ZNF804B: variants seen among roughly 807,000 people sequenced by gnomAD.
ZNF804B encodes zinc finger protein 804B.
Under a neutral mutation model 101.4 loss-of-function variants are expected in ZNF804B, and 80 were observed. The ratio of observed to expected loss-of-function variants is 0.79; its 90% CI spans 0.66 to 0.95. ZNF804B has a LOEUF of 0.95. ZNF804B is among the 40% of genes least tolerant of loss of function. The pLI is 0.00. For missense variants in ZNF804B, 1,673 were observed against 1,561.9 expected (o/e 1.07, Z -1.20); for synonymous variants, 622 against 558.8 (o/e 1.11, Z -1.59).
At chr7:88,956,639 C>T (rs934960940) in intron 1 of ZNF804B, among the ~76,000 whole-genome samples, 1 of 150,910 alleles carries the variant, frequency 6.6e-6, no homozygotes, top group African/African-American at 2.4e-5. Context: ...AAAAATTACC[C>T]TCAACTGGAC....
chr7:88,928,535 T>C (rs1166538358), intron 1 of ZNF804B, among the ~76,000 whole-genome samples: 1 of 152,116 alleles, frequency 6.6e-6, no homozygotes, highest in Non-Finnish European at 1.5e-5. Context: ...TGGCACACAT[T>C]TTTAGAATGT....
chr7:89,089,238 A>G (rs528364972), intron 1 of ZNF804B, among the ~76,000 whole-genome samples: 3 of 152,092 alleles, frequency 2.0e-5, no homozygotes, highest in Admixed American at 6.6e-5. Flanking sequence ...TTCTTGAACA[A>G]GGAATTCTTC....
chr7:88,993,129 CA>C (rs1562853728), intron 1 of ZNF804B, among the ~76,000 whole-genome samples: 1 of 151,620 alleles, frequency 6.6e-6, no homozygotes, highest in Non-Finnish European at 1.5e-5. Context: ...ATGCTTTATC[CA>C]TTATGAAATC....
At chr7:89,057,840 C>T (rs929431199) in intron 1 of ZNF804B, among the ~76,000 whole-genome samples, 1 of 152,064 alleles carries the variant, frequency 6.6e-6, no homozygotes, top group Admixed American at 6.6e-5. Flanking sequence ...GATTTCCTGT[C>T]TTTGAGGAGC....
At chr7:89,060,541 A>G (rs1473122242) in intron 1 of ZNF804B, among the ~76,000 whole-genome samples, 1 of 152,146 alleles carries the variant, frequency 6.6e-6, no homozygotes, top group African/African-American at 2.4e-5. Flanking sequence ...GCTAATCTAT[A>G]TGCCGTGGTT....
intron 2 of ZNF804B, among the ~76,000 whole-genome samples, chr7:89,283,987 CTATTT>C (rs1475928708): frequency 6.6e-6 from 1 of 152,086 alleles, no homozygotes; most frequent in Non-Finnish European, 1.5e-5. Context: ...AGATACTTGT[CTATTT>C]TATCATTTAC....
Position 89,233,794 on chromosome 7 carries a change from A to G in ZNF804B, c.249+15499A>G, listed in dbSNP as rs111501161. 2.6e-3 allele frequency among the ~76,000 whole-genome samples: 394 copies of G among 152,196 alleles called. 3 individuals carry two copies. Among genetic ancestry groups the G allele is most frequent in the African/African-American group, 9.2e-3 (381 of 41,526 alleles). On this transcript the variant is annotated intron_variant, in intron 2 of 3. Transcript: ENST00000333190. ...GCTGGGATTACAGGCACATGCCACC[A>G]TGCCCAGCTAATTTTGTATTTTTAG... is the stretch of plus-strand genomic sequence containing the variant.
At chr7:88,876,499 T>C (rs1442914102) in intron 1 of ZNF804B, among the ~76,000 whole-genome samples, 5 of 152,190 alleles carry the variant, frequency 3.3e-5, no homozygotes, top group African/African-American at 1.2e-4. Flanking sequence ...GTCTGTCATT[T>C]ATTCAGTTAC....
chr7:89,157,645 A>C (rs1296673096), intron 1 of ZNF804B, among the ~76,000 whole-genome samples: 2 of 152,272 alleles, frequency 1.3e-5, no homozygotes, highest in East Asian at 1.9e-4. Flanking sequence ...CCAGTCCAAA[A>C]GTGAATTTTA....
At chr7:88,777,176 C>T (rs922851284) in intron 1 of ZNF804B, among the ~76,000 whole-genome samples, 4 of 152,146 alleles carry the variant, frequency 2.6e-5, no homozygotes, top group African/African-American at 9.7e-5. Flanking sequence ...ACAAGGTGAG[C>T]GACTGGTGCC....
chr7:89,046,985 T>C (rs747315335), intron 1 of ZNF804B, among the ~76,000 whole-genome samples: 3 of 152,178 alleles, frequency 2.0e-5, no homozygotes, highest in Non-Finnish European at 4.4e-5. Flanking sequence ...ATTTTGACGT[T>C]TGCTTGCAAT....
chr7:89,087,968 G>A (rs576607254), intron 1 of ZNF804B, among the ~76,000 whole-genome samples: 91 of 145,950 alleles, frequency 6.2e-4, no homozygotes, highest in African/African-American at 2.3e-3. Flanking sequence ...ATATATATAA[G>A]CTTACACATA....
At chr7:89,292,953 A>G (rs971624699) in intron 2 of ZNF804B, among the ~76,000 whole-genome samples, 1 of 152,038 alleles carries the variant, frequency 6.6e-6, no homozygotes, top group African/African-American at 2.4e-5. Flanking sequence ...GGTGAGAAAA[A>G]TTTAGAGACT....
intron 1 of ZNF804B, among the ~76,000 whole-genome samples, chr7:88,809,805 C>T (rs138665789): frequency 6.6e-6 from 1 of 152,210 alleles, no homozygotes; most frequent in East Asian, 1.9e-4. Flanking sequence ...CTTCCTGCCC[C>T]AAATGTTCCC....
At chr7:89,128,905 C>T (rs1035094194) in intron 1 of ZNF804B, among the ~76,000 whole-genome samples, 3 of 151,910 alleles carry the variant, frequency 2.0e-5, no homozygotes, top group African/African-American at 7.3e-5. Flanking sequence ...TGGCTAAGTG[C>T]CTCATGCCAA....
At chr7:89,237,376 T>A (rs1487172784) in intron 2 of ZNF804B, among the ~76,000 whole-genome samples, 4 of 152,152 alleles carry the variant, frequency 2.6e-5, no homozygotes, top group African/African-American at 7.2e-5. Flanking sequence ...GTCACATCAT[T>A]CATCCTTACT....
chr7:89,211,311 A>G (rs1344476635), intron 1 of ZNF804B, among the ~76,000 whole-genome samples: 1 of 151,888 alleles, frequency 6.6e-6, no homozygotes, highest in East Asian at 1.9e-4. Context: ...TTCTCTGATG[A>G]TAGTGGGTTT....
At chr7:89,152,445 A>G (rs145379473) in intron 1 of ZNF804B, among the ~76,000 whole-genome samples, 1 of 152,076 alleles carries the variant, frequency 6.6e-6, no homozygotes, top group Admixed American at 6.6e-5. Flanking sequence ...TATTAAATTC[A>G]ATTAAAATTA....
At chr7:89,312,509 C>T (rs184549809) in intron 2 of ZNF804B, among the ~76,000 whole-genome samples, 2 of 152,282 alleles carry the variant, frequency 1.3e-5, no homozygotes, top group Non-Finnish European at 2.9e-5. Flanking sequence ...TTTTAGCTTG[C>T]TTGTGGCACA....
Sources: gnomAD v4.1 joint callset for allele counts (sites outside exome capture counted in the v4.1 genomes callset) on GRCh38, gnomAD v4.1.1 for gene constraint, MANE v1.5 for transcripts, NCBI Gene and HGNC (gene_info 2026-07-23, HGNC 2026-07-21) for gene names.